Variants in NFIA observed in about 807,000 individuals in gnomAD.
NFIA encodes nuclear factor I A.
Under a neutral mutation model 62.8 loss-of-function variants are expected in NFIA, and 8 were observed. The observed-to-expected ratio is 0.13, with a 90% CI of 0.07 to 0.23. NFIA has a LOEUF of 0.23. NFIA is among the 10% of genes least tolerant of loss of function. NFIA has a pLI of 1.00. For missense variants in NFIA, 410 were observed against 642.1 expected (o/e 0.64, Z 3.91); for synonymous variants, 235 against 238.1 (o/e 0.99, Z 0.12).
rs538931684 is a variant in NFIA at position 61,395,675 on chromosome 1, G to A, written c.1076-8429G>A. On this transcript the variant is annotated intron_variant, in intron 7 of 10. Transcript: ENST00000403491. ...CCAATAATCACAGCTGTTGCGTGGCGTTTGAACACATTTCACATCAGCCAT... is the reference window on the plus strand; with the variant it reads ...CCAATAATCACAGCTGTTGCGTGGCATTTGAACACATTTCACATCAGCCAT... 2.4e-4 allele frequency among the ~76,000 whole-genome samples: 37 copies of A among 152,214 alleles called. 1 individual carries two copies. The highest frequency in any genetic ancestry group is 6.3e-4 in the African/African-American group (26 of 41,536).
At position 61,394,159 on chromosome 1, in the gene NFIA, C is replaced by T. The variant is rs189324464; in HGVS notation, c.1076-9945C>T. On this transcript the variant is annotated intron_variant, in intron 7 of 10. Coordinates refer to ENST00000403491, the MANE Select transcript of NFIA (RefSeq NM_001134673.4). ...ATCCTCAGAAAAGCCTTTCAAATTG[C>T]GCTATTCTTTCTTACCCCCCTCTGC... Among the ~76,000 whole-genome samples the T allele has an allele frequency of 4.2e-3, 635 of 152,198 alleles. 4 individuals are homozygous for T. Among genetic ancestry groups the T allele is most frequent in the Non-Finnish European group, 7.3e-3 (498 of 68,004 alleles).
chr1:61,137,435 G>A (rs895506316), intron 2 of NFIA, among the ~76,000 whole-genome samples: 2 of 152,198 alleles, frequency 1.3e-5, no homozygotes, highest in African/African-American at 2.4e-5. Flanking sequence ...TGGCAAACTA[G>A]TGCAGGTATG....
chr1:61,176,142 G>T lies in NFIA; in HGVS notation c.559+87462G>T, dbSNP rs954556591. Among the ~76,000 whole-genome samples, 12 of 152,312 alleles carry T rather than the reference G, an allele frequency of 7.9e-5. No individual in the cohort carries two copies. In the East Asian group the frequency reaches 1.4e-3, roughly 17 times the overall value. On this transcript the variant is annotated intron_variant, in intron 2 of 10. Coordinates refer to ENST00000403491, the MANE Select transcript of NFIA (RefSeq NM_001134673.4). Reference sequence around the variant, plus strand: ...TGCCTAGTTCTGCCCAGGCCGAAGAGCAAGGCAGGAGTCCGCTTAGGAAAG... The same window carrying T: ...TGCCTAGTTCTGCCCAGGCCGAAGATCAAGGCAGGAGTCCGCTTAGGAAAG...
At chr1:61,386,800 A>C (rs1416119050) in intron 7 of NFIA, among the ~76,000 whole-genome samples, 1 of 152,238 alleles carries the variant, frequency 6.6e-6, no homozygotes, top group African/African-American at 2.4e-5. Context: ...TTTGACTGCC[A>C]GAACAGAACA....
At chr1:61,089,695 CTTTTTTTTTTTTT>C (rs918196815) in intron 2 of NFIA, among the ~76,000 whole-genome samples, 1 of 107,774 alleles carries the variant, frequency 9.3e-6, no homozygotes, top group East Asian at 2.6e-4. Flanking sequence ...GTTTTTTTTT[CTTTTTTTTTTTTT>C]TTTTTTACAA....
intron 2 of NFIA, among the ~76,000 whole-genome samples, chr1:61,231,471 A>G (rs1654665609): frequency 6.6e-6 from 1 of 152,202 alleles, no homozygotes; most frequent in South Asian, 2.1e-4. Flanking sequence ...ATGTAATCAC[A>G]TAATGTTTTT....
At chr1:61,118,222 A>G (rs529336357) in intron 2 of NFIA, among the ~76,000 whole-genome samples, 1 of 152,182 alleles carries the variant, frequency 6.6e-6, no homozygotes, top group South Asian at 2.1e-4. Context: ...AAAAAAAAGA[A>G]ATATTGTCTG....
chr1:61,377,078 C>A (rs1664184085), intron 6 of NFIA, among the ~76,000 whole-genome samples: 2 of 151,768 alleles, frequency 1.3e-5, no homozygotes, highest in African/African-American at 2.4e-5. Context: ...CAAAAATTAG[C>A]CGGGTATGGT....
chr1:61,369,119 G>A (rs190887501), intron 6 of NFIA, among the ~76,000 whole-genome samples: 42 of 152,268 alleles, frequency 2.8e-4, no homozygotes, highest in East Asian at 9.6e-4. Flanking sequence ...ATACTGGCCC[G>A]TTTCCTTCGT....
chr1:61,256,799 C>T lies in NFIA; in HGVS notation c.560-20721C>T, dbSNP rs191252370. ...AGGATCCAGTAAATGATCCTTGTATCATTTATTTAGGACCCTCTGTTGTAA... is the reference window on the plus strand; with the variant it reads ...AGGATCCAGTAAATGATCCTTGTATTATTTATTTAGGACCCTCTGTTGTAA... On this transcript the variant is annotated intron_variant, in intron 2 of 10. Transcript: ENST00000403491. Among the ~76,000 whole-genome samples, 101 of 152,230 alleles carry T rather than the reference C, an allele frequency of 6.6e-4. 1 individual carries two copies. In the East Asian group the frequency reaches 0.017, roughly 26 times the overall value.
intron 2 of NFIA, among the ~76,000 whole-genome samples, chr1:61,205,761 C>T (rs1021849963): frequency 2.0e-5 from 3 of 152,010 alleles, no homozygotes; most frequent in Non-Finnish European, 4.4e-5. Context: ...ATTGAGCGGA[C>T]GAGAACTTCA....
At chr1:61,364,864 C>G (rs1035649808) in intron 6 of NFIA, among the ~76,000 whole-genome samples, 1 of 152,158 alleles carries the variant, frequency 6.6e-6, no homozygotes, top group African/African-American at 2.4e-5. Flanking sequence ...CAGACCCTTG[C>G]TGCTCCAAGT....
intron 2 of NFIA, among the ~76,000 whole-genome samples, chr1:61,230,046 A>C: frequency 6.6e-6 from 1 of 152,202 alleles, no homozygotes; most frequent in East Asian, 1.9e-4. Flanking sequence ...AACTATCTGA[A>C]AGGAAGAAAT....
At chr1:61,155,630 G>A (rs372385572) in intron 2 of NFIA, among the ~76,000 whole-genome samples, 4 of 138,690 alleles carry the variant, frequency 2.9e-5, no homozygotes, top group South Asian at 2.2e-4. Context: ...CCGAGATTGC[G>A]CCACTGCAGT....
chr1:61,210,483 A>T (rs2100602765), intron 2 of NFIA, among the ~76,000 whole-genome samples: 1 of 152,342 alleles, frequency 6.6e-6, no homozygotes, highest in East Asian at 1.9e-4. Context: ...AGGATGTAAG[A>T]TCCTTAAGCA....
rs933617521 is a variant in NFIA, at chr1:61,213,268, T to C, written c.560-64252T>C. Among the ~76,000 whole-genome samples the C allele has an allele frequency of 9.9e-5, 15 of 152,184 alleles. No homozygotes were observed. The South Asian group carries it at 1.2e-3, about 13-fold the overall frequency. Reference sequence around the variant, plus strand: ...TCCTGGTGGGCAGTTGACAATTGAGTATCAGTCTTGATGCTCCAGATTTGA... The same window carrying C: ...TCCTGGTGGGCAGTTGACAATTGAGCATCAGTCTTGATGCTCCAGATTTGA... On this transcript the variant is annotated intron_variant, in intron 2 of 10. Coordinates refer to ENST00000403491, the MANE Select transcript of NFIA (RefSeq NM_001134673.4).
At chr1:61,355,230 A>G (rs963854643) in intron 5 of NFIA, among the ~76,000 whole-genome samples, 3 of 107,038 alleles carry the variant, frequency 2.8e-5, no homozygotes, top group Non-Finnish European at 6.2e-5. Context: ...TCTTACAGAT[A>G]CTTTCCTGCT....
chr1:61,462,692 A>T lies in NFIA; in HGVS notation c.*7372A>T, dbSNP rs1460922096. On this transcript the variant is annotated 3_prime_UTR_variant, in exon 11 of 11. Coordinates refer to ENST00000403491, the MANE Select transcript of NFIA (RefSeq NM_001134673.4). ...AGTTTAACTCTTGTATTCAACCATT[A>T]GTGCTACCACCTTCTCACATTACAA... is the stretch of plus-strand genomic sequence containing the variant. 2 of 152,260 alleles carry T rather than the reference A, an allele frequency of 1.3e-5. No individual in the cohort carries two copies. Among genetic ancestry groups the T allele is most frequent in the Non-Finnish European group, 2.9e-5 (2 of 68,052 alleles). 9.4% of individuals were successfully genotyped at this position (152,260 alleles called of 1,614,324 possible).
chr1:61,080,481 A>G (rs925059058), upstream of NFIA, among the ~76,000 whole-genome samples: 7 of 152,202 alleles, frequency 4.6e-5, no homozygotes, highest in Admixed American at 4.6e-4. Flanking sequence ...ATAACTTTTC[A>G]CTGTGCCTCA....
Sources: gnomAD v4.1 joint callset for allele counts (sites outside exome capture counted in the v4.1 genomes callset) on GRCh38, gnomAD v4.1.1 for gene constraint, MANE v1.5 for transcripts, NCBI Gene and HGNC (gene_info 2026-07-23, HGNC 2026-07-21) for gene names.